The following CATSPER1 variants were observed in gnomAD, a reference collection of about 807,000 sequenced individuals.
CATSPER1 encodes cation channel sperm-associated protein 1.
Under a neutral mutation model 72.7 loss-of-function variants are expected in CATSPER1, and 57 were observed. That is an observed-to-expected ratio of 0.78 (90% CI 0.63 to 0.98). The LOEUF (loss-of-function observed/expected upper bound fraction) is 0.98, where lower values mean the gene tolerates loss of function less well. Ranked by LOEUF, CATSPER1 falls within the 50% of genes least tolerant of loss-of-function variation. The pLI, the probability that CATSPER1 is intolerant of heterozygous loss-of-function variation, is 0.00. For missense variants in CATSPER1, 910 were observed against 1,033.9 expected, an observed-to-expected ratio of 0.88 and a Z score of 1.64; for synonymous variants, 363 against 403.0, an observed-to-expected ratio of 0.90 and a Z score of 1.19.
chr11:66,022,403 A>C (rs1266483137), intron 2 of CATSPER1, among the ~76,000 whole-genome samples: 1 of 152,242 alleles, frequency 6.6e-6, no homozygotes, highest in African/African-American at 2.4e-5. Context: ...AAATGCATGA[A>C]CACAAGCGAA....
chr11:66,021,068 C>T, intron 5 of CATSPER1, 26 bp downstream of exon 5: 1 of 1,605,004 alleles, frequency 6.2e-7, no homozygotes, highest in Admixed American at 1.7e-5. Context: ...CAGGCCCCCA[C>T]CCCAGCCCCT....
intron 10 of CATSPER1, among the ~76,000 whole-genome samples, chr11:66,017,803 G>A (rs556113905): frequency 6.6e-6 from 1 of 152,340 alleles, no homozygotes; most frequent in East Asian, 1.9e-4. Flanking sequence ...GACACTTTGA[G>A]GCATGAAATT....
At chr11:66,023,465 C>T (rs1051196326) in intron 1 of CATSPER1, among the ~76,000 whole-genome samples, 42 of 152,174 alleles carry the variant, frequency 2.8e-4, no homozygotes. Flanking sequence ...CACACAAGCC[C>T]GGATTCCCAG....
In CATSPER1 at chr11:66,020,398, A is replaced by C; in HGVS notation, c.1992-9T>G. On this transcript the variant is annotated splice_polypyrimidine_tract_variant and intron_variant, in intron 7 of 11. Coordinates refer to ENST00000312106, the MANE Select transcript of CATSPER1 (RefSeq NM_053054.4). The surrounding 1 kb of genome is among the most constrained non-coding windows in gnomAD (Gnocchi z 4.5). ...GGACAGTAATCACCAGGCTGGGGAG[A>C]GGGACAGGGGTGTGCCCTCAGCGAG... 1 of 1,613,862 alleles carries C rather than the reference A, an allele frequency of 6.2e-7. No individual in the cohort carries two copies. Among genetic ancestry groups the C allele is most frequent in the African/African-American group, 1.3e-5 (1 of 74,974 alleles).
chr11:66,025,286 C>T lies in CATSPER1; in HGVS notation c.1094G>A (p.Arg365Gln), dbSNP rs183128344. Reference sequence around the variant, plus strand: ...ACGTGAGCGGATTGTGCTGGAGGACCGAGTCATGCTGTGAGCCGAGCCCCG... The same window carrying T: ...ACGTGAGCGGATTGTGCTGGAGGACTGAGTCATGCTGTGAGCCGAGCCCCG... ...HPRGSAHSMTRSSSTIRSRVT... is the reference protein window; with the variant it reads ...HPRGSAHSMTQSSSTIRSRVT... Residue 365 changes from arginine to glutamine, a missense_variant, in exon 1 of 12, where the codon CGG becomes CAG. Arg to Gln is a conservative substitution (Grantham distance 43). Transcript: ENST00000312106. 9.7e-5 allele frequency: 157 copies of T among 1,614,074 alleles called. No homozygotes were observed. The highest frequency in any genetic ancestry group is 7.3e-4 in the African/African-American group (55 of 75,000).
In CATSPER1 at chr11:66,026,411, C is replaced by T. The variant is rs779374105; in HGVS notation, c.-32G>A. ...GCTGGGAACTCTGGAGCCAAAAGAG[C>T]TCAAGACCTGGGCCCAACAGGCCCC... On this transcript the variant is annotated 5_prime_UTR_variant, in exon 1 of 12. Coordinates refer to ENST00000312106, the MANE Select transcript of CATSPER1 (RefSeq NM_053054.4). 7 of 1,609,222 alleles carry T rather than the reference C, an allele frequency of 4.3e-6. No individual in the cohort carries two copies. Among genetic ancestry groups the T allele is most frequent in the Non-Finnish European group, 5.9e-6 (7 of 1,179,866 alleles).
rs1205263576 is a variant in CATSPER1 at position 66,018,876 on chromosome 11, T to C, written c.2152A>G (p.Thr718Ala). 1.9e-6 allele frequency: 3 copies of C among 1,614,026 alleles called. No homozygotes were observed. The highest frequency in any genetic ancestry group is 2.5e-6 in the Non-Finnish European group (3 of 1,180,024). Residue 718 changes from threonine to alanine, a missense_variant, in exon 10 of 12, where the codon ACC becomes GCC. By Grantham distance (58) the Thr-to-Ala change is moderately conservative (BLOSUM62 0). Transcript: ENST00000312106. ...TTCTCGATGAGCCGCTTCAGCATGG[T>C]GCCTTCACTCGCCACCTCTTTGGGC... Reference protein sequence around the residue: ...AEPKEVASEGTMLKRLIEKKF... With the variant: ...AEPKEVASEGAMLKRLIEKKF...
chr11:66,025,389 A>G lies in CATSPER1; in HGVS notation c.991T>C (p.Ser331Pro). Residue 331 changes from serine to proline, a missense_variant, in exon 1 of 12, where the codon TCC (serine) becomes CCC (proline). Coordinates refer to ENST00000312106, the MANE Select transcript of CATSPER1 (RefSeq NM_053054.4). ...STSQLSIPHTSRSLIHDAPGP... is the reference protein window; with the variant it reads ...STSQLSIPHTPRSLIHDAPGP... Reference sequence around the variant, plus strand: ...GGGGCATCGTGAATCAGGCTCCGGGATGTGTGTGGGATAGAGAGTTGGGAA... The same window carrying G: ...GGGGCATCGTGAATCAGGCTCCGGGGTGTGTGTGGGATAGAGAGTTGGGAA... 1.9e-6 allele frequency: 3 copies of G among 1,613,728 alleles called. No individual in the cohort carries two copies. Among genetic ancestry groups the G allele is most frequent in the East Asian group, 2.2e-5 (1 of 44,830 alleles).
At position 66,020,408 on chromosome 11, in the gene CATSPER1, G is replaced by T. The variant is rs200790313; in HGVS notation, c.1992-19C>A. On this transcript the variant is annotated intron_variant, in intron 7 of 11. Transcript: ENST00000312106. The surrounding 1 kb of genome is among the most constrained non-coding windows in gnomAD (Gnocchi z 4.5). ...CACCAGGCTGGGGAGAGGGACAGGG[G>T]TGTGCCCTCAGCGAGGAGGCCAGAG... The T allele has an allele frequency of 1.9e-6, 3 of 1,613,950 alleles. No individual in the cohort carries two copies. Among genetic ancestry groups the T allele is most frequent in the East Asian group, 2.2e-5 (1 of 44,892 alleles).
chr11:66,025,422 G>A lies in CATSPER1; in HGVS notation c.958C>T (p.Gln320Ter). 6.2e-7 allele frequency: 1 copy of A among 1,613,946 alleles called. No individual in the cohort carries two copies. ...GGGATAGAGAGTTGGGAAGTGCTCTGGACGTAGTCGCCATGGAGGTAACTG... is the reference window on the plus strand; with the variant it reads ...GGGATAGAGAGTTGGGAAGTGCTCTAGACGTAGTCGCCATGGAGGTAACTG... ...HSSYLHGDYV[Q>*]STSQLSIPHT... is the part of the protein sequence containing the mutation. The change falls in exon 1 of 12, where the codon CAG (glutamine) becomes TAG (stop). Residue 320 changes from glutamine (Q) to a stop codon, truncating the protein, a stop_gained. Coordinates refer to ENST00000312106, the MANE Select transcript of CATSPER1 (RefSeq NM_053054.4). LOFTEE classifies it high-confidence loss of function.
chr11:66,020,840 G>A lies in CATSPER1; in HGVS notation c.1898C>T (p.Ser633Phe), dbSNP rs772077063. 6.2e-7 allele frequency: 1 copy of A among 1,613,876 alleles called. No individual in the cohort carries two copies. Among genetic ancestry groups the A allele is most frequent in the East Asian group, 2.2e-5 (1 of 44,868 alleles). ...LFTLLTLDDW[S>F]LIYMDSRAQG... ...GGCACGGCTGTCCATGTAGATGAGG[G>A]ACCAGTCATCCAGCGTGAGCAAGGT... Residue 633 changes from serine to phenylalanine, a missense_variant, in exon 6 of 12, where the codon TCC (serine) becomes TTC (phenylalanine). Coordinates refer to ENST00000312106, the MANE Select transcript of CATSPER1 (RefSeq NM_053054.4). The surrounding 1 kb of genome is among the most constrained non-coding windows in gnomAD (Gnocchi z 4.5).
Position 66,025,946 on chromosome 11 carries a change from C to A in CATSPER1, c.434G>T (p.Arg145Met). 2 of 1,613,424 alleles carry A rather than the reference C, an allele frequency of 1.2e-6. No homozygotes were observed. The highest frequency in any genetic ancestry group is 1.7e-6 in the Non-Finnish European group (2 of 1,179,842). Residue 145 changes from arginine to methionine, a missense_variant, in exon 1 of 12, where the codon AGG becomes ATG. By Grantham distance (91) the Arg-to-Met change is moderately conservative (BLOSUM62 -1). Coordinates refer to ENST00000312106, the MANE Select transcript of CATSPER1 (RefSeq NM_053054.4). ...TTGGGGTCTGCCATGGTGAGACCCC[C>A]TATGGTAATGGGAGTCACTCTGCTG... ...FHQQSDSHYH[R>M]GSHHGRPQYL...
Position 66,021,392 on chromosome 11 carries a change from G to GC in CATSPER1, c.1691+103dup. The GC allele has an allele frequency of 2.1e-6, 3 of 1,441,992 alleles. No homozygotes were observed. The South Asian group carries it at 3.7e-5, about 18-fold the overall frequency. 89.3% of individuals were successfully genotyped at this position (1,441,992 alleles called of 1,614,324 possible). On this transcript the variant is annotated intron_variant, in intron 4 of 11. Transcript: ENST00000312106. ...CAGGCTGGGGTCAGCAGCCTCCTGC[G>GC]CCCCCATCCCTTGAGCAGGTCACAG... is the stretch of plus-strand genomic sequence containing the variant.
In CATSPER1 at chr11:66,025,723, G is replaced by A; in HGVS notation, c.657C>T (p.His219=). 1 of 1,613,896 alleles carries A rather than the reference G, an allele frequency of 6.2e-7. No individual in the cohort carries two copies. Among genetic ancestry groups the A allele is most frequent in the Non-Finnish European group, 8.5e-7 (1 of 1,179,944 alleles). ...HHQVPHRGWP[H]HHQVHHHGRS... ...TGCCATGGTGGTGGACTTGGTGATG[G>A]TGGGGCCAGCCACGGTGGGGGACTT... The change falls in exon 1 of 12, where the codon CAC becomes CAT. Residue 219 remains histidine, a synonymous_variant. Coordinates refer to ENST00000312106, the MANE Select transcript of CATSPER1 (RefSeq NM_053054.4).
chr11:66,017,365 G>A (rs767966250), intron 10 of CATSPER1, among the ~76,000 whole-genome samples, 191 bp from the exon 11 acceptor site: 25 of 152,194 alleles, frequency 1.6e-4, no homozygotes, highest in Non-Finnish European at 2.5e-4. Flanking sequence ...TGCCTGTAGC[G>A]CAGAGGCTTC....
intron 9 of CATSPER1, among the ~76,000 whole-genome samples, chr11:66,019,756 A>G (rs1433242405): frequency 1.3e-5 from 2 of 151,646 alleles, no homozygotes; most frequent in East Asian, 3.9e-4. Flanking sequence ...CACACACAAA[A>G]AAACAACAAC....
At chr11:66,019,100 C>T (rs1277446307) in intron 9 of CATSPER1, among the ~76,000 whole-genome samples, 198 bp from the exon 10 acceptor site, 1 of 152,028 alleles carries the variant, frequency 6.6e-6, no homozygotes, top group African/African-American at 2.4e-5. Flanking sequence ...AAGAAGTGCC[C>T]CAATTGTCTT....
At chr11:66,018,122 C>T (rs142066072) in intron 10 of CATSPER1, among the ~76,000 whole-genome samples, 1 of 150,972 alleles carries the variant, frequency 6.6e-6, no homozygotes, top group African/African-American at 2.4e-5. Flanking sequence ...GTGGGAGAAT[C>T]GCTTGAACCC....
chr11:66,025,635 G>A lies in CATSPER1; in HGVS notation c.745C>T (p.Pro249Ser), dbSNP rs753279526. ...KSPHHGETIS[P>S]HSSVGSYQRG... The stretch of plus-strand genomic sequence containing the variant: ...TGGTAGGACCCCACAGAGGAATGAG[G>A]GGAAATGGTCTCTCCGTGATGAGGA... The change falls in exon 1 of 12, where the codon CCT becomes TCT. Residue 249 changes from proline (P) to serine (S), a missense_variant. Physicochemically the swap from Pro to Ser is moderately conservative, Grantham distance 74. Coordinates refer to ENST00000312106, the MANE Select transcript of CATSPER1 (RefSeq NM_053054.4). The A allele has an allele frequency of 1.2e-6, 2 of 1,613,590 alleles. No individual in the cohort carries two copies. Among genetic ancestry groups the A allele is most frequent in the East Asian group, 2.2e-5 (1 of 44,850 alleles).
Sources: allele counts gnomAD v4.1 joint callset (sites outside exome capture counted in the v4.1 genomes callset), GRCh38; gene constraint gnomAD v4.1.1; non-coding constraint Gnocchi (gnomAD v3.1); transcripts MANE v1.5; gene names NCBI Gene and HGNC (gene_info 2026-07-23, HGNC 2026-07-21).